ATRNL1: variants seen among roughly 807,000 people sequenced by gnomAD.
ATRNL1 encodes attractin-like protein 1.
A neutral mutation model predicts 182.7 loss-of-function variants in ATRNL1; 95 were observed. The observed-to-expected ratio is 0.52, with a 90% CI of 0.44 to 0.62. ATRNL1 has a LOEUF of 0.62. ATRNL1 is among the 20% of genes least tolerant of loss of function. The pLI is 0.00. For missense variants in ATRNL1, 1,471 were observed against 1,679.5 expected (o/e 0.88, Z 2.17); for synonymous variants, 576 against 568.3 (o/e 1.01, Z -0.19).
rs1852232842 is a variant in ATRNL1 at position 115,279,046 on chromosome 10, C to CA, written c.2101-2303dup. ...TGAAACCCTGTCTCTACTAAAAATACAAAAAATTAGCCGGGTGTGGTGGTG... is the reference window on the plus strand; with the variant it reads ...TGAAACCCTGTCTCTACTAAAAATACAAAAAAATTAGCCGGGTGTGGTGGTG... On this transcript the variant is annotated intron_variant, in intron 13 of 28. Coordinates refer to ENST00000355044, the MANE Select transcript of ATRNL1 (RefSeq NM_207303.4). Among the ~76,000 whole-genome samples the CA allele has an allele frequency of 4.0e-5, 6 of 151,566 alleles. No individual in the cohort carries two copies. The South Asian group carries it at 1.3e-3, about 32-fold the overall frequency.
At chr10:115,587,352 C>G (rs1309292317) in intron 26 of ATRNL1, among the ~76,000 whole-genome samples, 2 of 152,142 alleles carry the variant, frequency 1.3e-5, no homozygotes, top group Non-Finnish European at 2.9e-5. Flanking sequence ...GCGCCCCTCC[C>G]CCAGCCTCGC....
chr10:115,418,166 T>G (rs2134364869), intron 20 of ATRNL1, among the ~76,000 whole-genome samples: 1 of 152,282 alleles, frequency 6.6e-6, no homozygotes, highest in African/African-American at 2.4e-5. Flanking sequence ...ATAAATTTAC[T>G]GAAGCTCAAA....
intron 9 of ATRNL1, among the ~76,000 whole-genome samples, chr10:115,223,929 A>ATATATTTT (rs1420143943): frequency 4.7e-4 from 21 of 44,726 alleles, no homozygotes; most frequent in South Asian, 1.6e-3. Context: ...ATATATATAT[A>ATATATTTT]TTTTTTTTTT....
intron 26 of ATRNL1, among the ~76,000 whole-genome samples, chr10:115,558,691 T>C (rs1853474835): frequency 6.6e-6 from 1 of 152,172 alleles, no homozygotes; most frequent in Non-Finnish European, 1.5e-5. Flanking sequence ...GAATTGGCCC[T>C]AGATTTTCTG....
chr10:115,436,383 A>T (rs977867075), intron 21 of ATRNL1, among the ~76,000 whole-genome samples: 1 of 152,114 alleles, frequency 6.6e-6, no homozygotes, highest in African/African-American at 2.4e-5. Context: ...GTATTTAAAA[A>T]ATTTATTTGT....
At chr10:115,931,243 A>T (rs1354912476) in intron 28 of ATRNL1, among the ~76,000 whole-genome samples, 1 of 152,146 alleles carries the variant, frequency 6.6e-6, no homozygotes. Flanking sequence ...TAAACTAAGT[A>T]ATTTAATTTA....
chr10:115,429,446 T>A (rs982478084), intron 21 of ATRNL1, among the ~76,000 whole-genome samples: 2 of 152,136 alleles, frequency 1.3e-5, no homozygotes, highest in Non-Finnish European at 2.9e-5. Flanking sequence ...ATAATAGATA[T>A]CCTTATCAGG....
intron 27 of ATRNL1, among the ~76,000 whole-genome samples, chr10:115,820,718 G>T (rs1334289561): frequency 2.6e-5 from 4 of 152,064 alleles, no homozygotes; most frequent in African/African-American, 9.7e-5. Flanking sequence ...GTGGTAAAGA[G>T]TGCATGCTCT....
chr10:115,175,112 G>A (rs1166913077), intron 8 of ATRNL1, among the ~76,000 whole-genome samples: 1 of 151,908 alleles, frequency 6.6e-6, no homozygotes, highest in African/African-American at 2.4e-5. Flanking sequence ...CACCTTCAAT[G>A]TTGGCCATTA....
intron 21 of ATRNL1, among the ~76,000 whole-genome samples, chr10:115,441,852 C>T (rs888012815): frequency 6.6e-6 from 1 of 151,754 alleles, no homozygotes; most frequent in African/African-American, 2.4e-5. Context: ...TCTTTGAGCC[C>T]CCCTCTCTGA....
At chr10:115,891,579 ACTC>A (rs1219168417) in intron 28 of ATRNL1, among the ~76,000 whole-genome samples, 2 of 151,940 alleles carry the variant, frequency 1.3e-5, no homozygotes, top group African/African-American at 4.8e-5. Flanking sequence ...TCTGTCAGTT[ACTC>A]CTCTGTCCTG....
chr10:115,145,927 A>G (rs1845951667), intron 5 of ATRNL1, among the ~76,000 whole-genome samples: 2 of 152,086 alleles, frequency 1.3e-5, no homozygotes, highest in African/African-American at 2.4e-5. Flanking sequence ...AAACTCTCTG[A>G]ATTTCTACAT....
intron 26 of ATRNL1, among the ~76,000 whole-genome samples, chr10:115,694,837 G>A (rs1555049228): frequency 1.3e-5 from 2 of 150,716 alleles, no homozygotes; most frequent in African/African-American, 4.9e-5. Context: ...GGTGGAGGAT[G>A]GTAGAAATGC....
chr10:115,218,344 C>G (rs1341113382), intron 9 of ATRNL1, among the ~76,000 whole-genome samples: 5 of 152,118 alleles, frequency 3.3e-5, no homozygotes, highest in Non-Finnish European at 5.9e-5. Flanking sequence ...TTGTGGCAAT[C>G]TCAGGATATT....
chr10:115,203,323 A>G (rs2144323588), intron 8 of ATRNL1, among the ~76,000 whole-genome samples: 1 of 152,262 alleles, frequency 6.6e-6, no homozygotes, highest in East Asian at 1.9e-4. Flanking sequence ...AAGCTGTTGA[A>G]GGGAATCTTT....
chr10:115,846,116 TA>T, intron 27 of ATRNL1, among the ~76,000 whole-genome samples: 1 of 152,208 alleles, frequency 6.6e-6, no homozygotes, highest in South Asian at 2.1e-4. Flanking sequence ...CTTTAAAGTG[TA>T]AAACCATAGA....
At chr10:115,554,610 A>C (rs1281987383) in intron 26 of ATRNL1, among the ~76,000 whole-genome samples, 4 of 151,610 alleles carry the variant, frequency 2.6e-5, no homozygotes, top group Non-Finnish European at 4.4e-5. Flanking sequence ...ACATTTCAAT[A>C]AGGCAGACAC....
chr10:115,684,229 T>A (rs1946146130), intron 26 of ATRNL1, among the ~76,000 whole-genome samples: 1 of 151,292 alleles, frequency 6.6e-6, no homozygotes, highest in Non-Finnish European at 1.5e-5. Context: ...TTTTAGTATA[T>A]AGTATATAAT....
intron 15 of ATRNL1, among the ~76,000 whole-genome samples, chr10:115,292,520 G>T (rs1478669610): frequency 6.6e-6 from 1 of 151,082 alleles, no homozygotes; most frequent in Non-Finnish European, 1.5e-5. Context: ...TTCCCTTTCA[G>T]TACTCCTTTT....
Sources: gnomAD v4.1 joint callset for allele counts (sites outside exome capture counted in the v4.1 genomes callset) on GRCh38, gnomAD v4.1.1 for gene constraint, MANE v1.5 for transcripts, NCBI Gene and HGNC (gene_info 2026-07-23, HGNC 2026-07-21) for gene names.